The following PDZD8 variants were observed in gnomAD, a reference collection of about 807,000 sequenced individuals.
The protein encoded by PDZD8 is PDZ domain containing 8.
PDZD8 carries 14 observed loss-of-function variants against 85.8 expected under a neutral mutation model. That is an observed-to-expected ratio of 0.16 (90% CI 0.11 to 0.26). PDZD8 has a LOEUF of 0.26. Among genes scored for constraint, PDZD8 ranks in the 10% least tolerant of loss-of-function variants. The pLI is 1.00. For missense variants in PDZD8, 1,197 were observed against 1,424.3 expected (o/e 0.84, Z 2.57); for synonymous variants, 592 against 568.6 (o/e 1.04, Z -0.59).
At chr10:117,333,118 A>AG (rs1844453000) in intron 2 of PDZD8, among the ~76,000 whole-genome samples, 2 of 97,552 alleles carry the variant, frequency 2.1e-5, no homozygotes, top group Admixed American at 1.0e-4. Flanking sequence ...ACTCTGTCTC[A>AG]AAAAAAAAAA....
In PDZD8 at chr10:117,375,236, C is replaced by T. The variant is rs201074726; in HGVS notation, c.-9G>A. On this transcript the variant is annotated 5_prime_UTR_variant, in exon 1 of 5. Transcript: ENST00000334464. ...ATGAGCAGCAGCCCCATCCCGCCAC[C>T]GCCTCCGCCCGGGCCCCTACTCCCG... The T allele has an allele frequency of 4.6e-3, 6,690 of 1,461,276 alleles. 179 individuals carry two copies. In the African/African-American group the frequency reaches 0.072, roughly 16 times the overall value. 90.5% of individuals were successfully genotyped at this position (1,461,276 alleles called of 1,614,324 possible). A position where few individuals can be genotyped will look rare whatever the true frequency, so the allele number is the denominator to read the frequency against.
At chr10:117,322,915 G>A (rs1051168409) in intron 2 of PDZD8, among the ~76,000 whole-genome samples, 1 of 152,114 alleles carries the variant, frequency 6.6e-6, no homozygotes, top group African/African-American at 2.4e-5. Flanking sequence ...TCAAACTCGT[G>A]GCATATCCCT....
At chr10:117,363,160 GAAC>G (rs1333685310) in intron 1 of PDZD8, among the ~76,000 whole-genome samples, 1 of 152,014 alleles carries the variant, frequency 6.6e-6, no homozygotes, top group Non-Finnish European at 1.5e-5. Flanking sequence ...AGGTTTCAGA[GAAC>G]AAAAAGCTTT....
rs372792308 is a variant in PDZD8 at position 117,285,380 on chromosome 10, C to G, written c.1353G>C (p.Gln451His). 6.2e-6 allele frequency: 10 copies of G among 1,614,020 alleles called. No individual in the cohort carries two copies. In the African/African-American group the frequency reaches 1.3e-4, roughly 22 times the overall value. Residue 451 changes from glutamine (Q) to histidine (H), a missense_variant, in exon 5 of 5, where the codon CAG becomes CAC. Transcript: ENST00000334464. ...CTTGCAGCACTGCACCTTGATTACT[C>G]TGGCCAACAGGCCTTTCATAGTACA... ...VLVYYERPVG[Q>H]SNQGAVLQDN... is the part of the protein sequence containing the mutation.
intron 3 of PDZD8, among the ~76,000 whole-genome samples, chr10:117,291,358 G>A (rs1164358139): frequency 2.6e-5 from 4 of 151,514 alleles, no homozygotes; most frequent in African/African-American, 9.7e-5. Context: ...GTGAAACCCC[G>A]TCTCTACTAA....
intron 1 of PDZD8, among the ~76,000 whole-genome samples, chr10:117,358,715 C>A (rs1844942725): frequency 6.6e-6 from 1 of 152,074 alleles, no homozygotes. Flanking sequence ...GCCTTGACAC[C>A]TTTGGCAAGT....
intron 2 of PDZD8, among the ~76,000 whole-genome samples, chr10:117,321,302 T>C (rs2133813890): frequency 6.6e-6 from 1 of 152,282 alleles, no homozygotes; most frequent in South Asian, 2.1e-4. Flanking sequence ...TAATGAAATA[T>C]TATTCGGCAA....
At chr10:117,341,143 A>G in intron 1 of PDZD8, 41 bp from the exon 2 acceptor site, 1 of 1,596,346 alleles carries the variant, frequency 6.3e-7, no homozygotes, top group Non-Finnish European at 8.6e-7. Context: ...TGAATAATAA[A>G]CACCACAGTT....
rs57494461 is a variant in PDZD8 at position 117,281,351 on chromosome 10, CAAAAA to C, written c.*1912_*1916del. On this transcript the variant is annotated 3_prime_UTR_variant, in exon 5 of 5. Transcript: ENST00000334464. ...CCTGGGAGACAGCGAGACTCTGTCT[CAAAAA>C]AAAAAAAAAAAAAAAAAAAAAAAAA... The C allele has an allele frequency of 8.8e-6, 1 of 113,936 alleles. No homozygotes were observed. Among genetic ancestry groups the C allele is most frequent in the African/African-American group, 3.9e-5 (1 of 25,884 alleles). The allele number at this position is 113,936 out of a possible 1,614,324, so 7.1% of individuals were successfully genotyped here. A position where few individuals can be genotyped will look rare whatever the true frequency, so the allele number is the denominator to read the frequency against.
At chr10:117,357,766 C>CAAAAAAAAAAAAAAAAAAAAAAA (rs767138640) in intron 1 of PDZD8, among the ~76,000 whole-genome samples, 2 of 47,438 alleles carry the variant, frequency 4.2e-5, no homozygotes, top group East Asian at 7.1e-4. Flanking sequence ...ACTTCATCTC[C>CAAAAAAAAAAAAAAAAAAAAAAA]AAAAAAAAAA....
intron 3 of PDZD8, among the ~76,000 whole-genome samples, chr10:117,307,131 T>C (rs1843956984): frequency 6.6e-6 from 1 of 152,128 alleles, no homozygotes; most frequent in African/African-American, 2.4e-5. Context: ...CATATTCGTA[T>C]GTGAGCAATG....
chr10:117,329,326 C>A (rs980558902), intron 2 of PDZD8, among the ~76,000 whole-genome samples: 19 of 152,278 alleles, frequency 1.2e-4, no homozygotes, highest in African/African-American at 4.6e-4. Flanking sequence ...AGAGCTATTA[C>A]CTCTGTGAAA....
chr10:117,319,654 C>CAA (rs1844195160), intron 2 of PDZD8, among the ~76,000 whole-genome samples: 1 of 152,044 alleles, frequency 6.6e-6, no homozygotes. Context: ...TCAAGGAATA[C>CAA]TGGCATCATG....
rs1844594254 is a variant in PDZD8, at chr10:117,283,068, A to G, written c.*200T>C. ...AGTATAAACCCAAAAAAGCATAGCT[A>G]TAAATGCAATCCAAAACAACCAATT... On this transcript the variant is annotated 3_prime_UTR_variant, in exon 5 of 5. Transcript: ENST00000334464. 1.9e-6 allele frequency: 1 copy of G among 521,952 alleles called. No individual in the cohort carries two copies. Among genetic ancestry groups the G allele is most frequent in the South Asian group, 3.6e-5 (1 of 27,884 alleles). The allele number at this position is 521,952 out of a possible 1,614,324, so 32.3% of individuals were successfully genotyped here.
chr10:117,335,676 G>A (rs1844504458), intron 2 of PDZD8, among the ~76,000 whole-genome samples: 1 of 152,106 alleles, frequency 6.6e-6, no homozygotes, highest in Admixed American at 6.6e-5. Flanking sequence ...TATTTTAAAT[G>A]AACACCATAA....
intron 3 of PDZD8, among the ~76,000 whole-genome samples, chr10:117,303,723 C>T (rs1054229437): frequency 1.6e-4 from 24 of 152,248 alleles, no homozygotes; most frequent in Admixed American, 1.2e-3. Context: ...CCCTGTTGTC[C>T]TAGCCACTCC....
chr10:117,307,754 T>C (rs1042423993), intron 3 of PDZD8, among the ~76,000 whole-genome samples: 8 of 152,090 alleles, frequency 5.3e-5, no homozygotes, highest in African/African-American at 1.7e-4. Context: ...AATATTTAAG[T>C]TGAGAAATAC....
chr10:117,287,473 A>T (rs1172627685), intron 4 of PDZD8, among the ~76,000 whole-genome samples: 1 of 152,052 alleles, frequency 6.6e-6, no homozygotes, highest in Non-Finnish European at 1.5e-5. Flanking sequence ...GGACATCACC[A>T]CCTGGATGTT....
intron 2 of PDZD8, among the ~76,000 whole-genome samples, chr10:117,330,264 A>AG (rs1844399512): frequency 6.6e-6 from 1 of 151,982 alleles, no homozygotes; most frequent in African/African-American, 2.4e-5. Flanking sequence ...CGACTTCCAA[A>AG]TCTAATCTTC....
Sources: gnomAD v4.1 joint callset for allele counts (sites outside exome capture counted in the v4.1 genomes callset) on GRCh38, gnomAD v4.1.1 for gene constraint, MANE v1.5 for transcripts, NCBI Gene and HGNC (gene_info 2026-07-23, HGNC 2026-07-21) for gene names.